CACHD1: variants seen among roughly 807,000 people sequenced by gnomAD.
The protein encoded by CACHD1 is cache domain containing 1, also known as VWFA and cache domain-containing protein 1.
Under a neutral mutation model 138.7 loss-of-function variants are expected in CACHD1, and 71 were observed. The ratio of observed to expected loss-of-function variants is 0.51; its 90% CI spans 0.42 to 0.62. The LOEUF (loss-of-function observed/expected upper bound fraction) is 0.62. Ranked by LOEUF, CACHD1 falls within the 20% of genes least tolerant of loss-of-function variation. The pLI is 0.00. For missense variants in CACHD1, 1,389 were observed against 1,625.3 expected (o/e 0.85, Z 2.50); for synonymous variants, 578 against 591.5 (o/e 0.98, Z 0.33).
chr1:64,632,816 T>C lies in CACHD1; in HGVS notation c.789+73T>C. The stretch of plus-strand genomic sequence containing the variant: ...GCCTTTTTTAAAGTACTTTATTGTT[T>C]TGTGATATACAGATCCTCCTTGACT... On this transcript the variant is annotated intron_variant, in intron 6 of 26. Coordinates refer to ENST00000651257, the MANE Select transcript of CACHD1 (RefSeq NM_020925.4). 3.3e-6 allele frequency: 5 copies of C among 1,532,396 alleles called. No individual in the cohort carries two copies. In the South Asian group the frequency reaches 4.6e-5, roughly 14 times the overall value. 94.9% of individuals were successfully genotyped at this position (1,532,396 alleles called of 1,614,324 possible).
intron 12 of CACHD1, among the ~76,000 whole-genome samples, chr1:64,657,564 G>T (rs1329118089): frequency 6.6e-6 from 1 of 152,122 alleles, no homozygotes; most frequent in Non-Finnish European, 1.5e-5. Context: ...ATAATTTGGG[G>T]AATGGAGGAA....
intron 12 of CACHD1, among the ~76,000 whole-genome samples, chr1:64,658,458 T>A (rs1384512039): frequency 6.6e-6 from 1 of 152,198 alleles, no homozygotes; most frequent in Non-Finnish European, 1.5e-5. Context: ...TTTCTTATCC[T>A]TTCGTTAGCC....
chr1:64,640,015 C>T (rs1648653354), intron 7 of CACHD1, among the ~76,000 whole-genome samples: 1 of 152,256 alleles, frequency 6.6e-6, no homozygotes, highest in Non-Finnish European at 1.5e-5. Context: ...GCCTCTGTTC[C>T]TTGCCTCTCC....
chr1:64,681,541 G>GGGTTTTTTTTTTTTTTTTT (rs1553146851), intron 25 of CACHD1, among the ~76,000 whole-genome samples: 1 of 68,132 alleles, frequency 1.5e-5, no homozygotes, highest in African/African-American at 7.3e-5. Context: ...ATTTTATTGT[G>GGGTTTTTTTTTTTTTTTTT]TTTTTTTTTT....
intron 25 of CACHD1, 116 bp downstream of exon 25, chr1:64,681,451 G>C: frequency 2.8e-6 from 2 of 723,074 alleles, no homozygotes; most frequent in South Asian, 4.9e-5. Context: ...TGACACGGTG[G>C]CTGGGTTTTT....
At chr1:64,647,205 A>G (rs1648936419) in intron 8 of CACHD1, among the ~76,000 whole-genome samples, 1 of 152,220 alleles carries the variant, frequency 6.6e-6, no homozygotes, top group African/African-American at 2.4e-5. Context: ...TAAGTAAATC[A>G]AGTTCAGTAT....
intron 2 of CACHD1, among the ~76,000 whole-genome samples, chr1:64,569,716 G>A (rs74080437): frequency 0.07 from 10,680 of 152,008 alleles, 1,278 homozygotes; most frequent in African/African-American, 0.25. Flanking sequence ...ATAGCTCTGC[G>A]ATCTATGTAT....
chr1:64,498,635 G>C (rs945440408), intron 1 of CACHD1, among the ~76,000 whole-genome samples: 1 of 152,174 alleles, frequency 6.6e-6, no homozygotes, highest in African/African-American at 2.4e-5. Context: ...TATTTGAAAT[G>C]TGAAAAAAGA....
chr1:64,669,950 C>G (rs1649761975), intron 16 of CACHD1, among the ~76,000 whole-genome samples: 1 of 152,174 alleles, frequency 6.6e-6, no homozygotes, highest in Non-Finnish European at 1.5e-5. Flanking sequence ...GGGTACTGGT[C>G]TAATCTATCT....
At chr1:64,581,084 A>T (rs1211497535) in intron 2 of CACHD1, among the ~76,000 whole-genome samples, 1 of 152,204 alleles carries the variant, frequency 6.6e-6, no homozygotes, top group Non-Finnish European at 1.5e-5. Flanking sequence ...AAGTTTTTCT[A>T]AACTTTATAG....
chr1:64,679,325 A>G (rs531361487), intron 23 of CACHD1, among the ~76,000 whole-genome samples: 6 of 152,266 alleles, frequency 3.9e-5, no homozygotes, highest in East Asian at 3.9e-4. Flanking sequence ...TGTGTAAGCA[A>G]TTCTTCTGGT....
chr1:64,615,418 G>A (rs1647676769), intron 4 of CACHD1, among the ~76,000 whole-genome samples: 1 of 152,178 alleles, frequency 6.6e-6, no homozygotes, highest in Non-Finnish European at 1.5e-5. Flanking sequence ...GGTTGTGTTG[G>A]CTCAGCTATG....
intron 2 of CACHD1, among the ~76,000 whole-genome samples, chr1:64,562,701 G>T (rs978097296): frequency 1.3e-5 from 2 of 151,894 alleles, no homozygotes; most frequent in African/African-American, 2.4e-5. Flanking sequence ...GATTACAGGA[G>T]TGAGCCACTG....
chr1:64,634,194 G>T lies in CACHD1; in HGVS notation c.940G>T (p.Ala314Ser). The T allele has an allele frequency of 6.2e-7, 1 of 1,613,788 alleles. No individual in the cohort carries two copies. Among genetic ancestry groups the T allele is most frequent in the South Asian group, 1.1e-5 (1 of 91,052 alleles). ...VKSSDSPTQH[A>S]VGFQKAFQLI... The stretch of plus-strand genomic sequence containing the variant: ...GTCTTCAGACAGTCCTACCCAGCAC[G>T]CAGTGGGATTCCAAAAGGCATTTCA... Residue 314 changes from alanine to serine, a missense_variant, in exon 7 of 27, where the codon GCA becomes TCA. Transcript: ENST00000651257.
At position 64,654,801 on chromosome 1, in the gene CACHD1, A is replaced by T; in HGVS notation, c.1780A>T (p.Met594Leu). Reference protein sequence around the residue: ...EAYNVSYAWKMVQDTSFILCI... With the variant: ...EAYNVSYAWKLVQDTSFILCI... Reference sequence around the variant, plus strand: ...CTACAATGTTAGCTATGCCTGGAAGATGGTGAGTGAGAGGAAGTTGTGTTT... The same window carrying T: ...CTACAATGTTAGCTATGCCTGGAAGTTGGTGAGTGAGAGGAAGTTGTGTTT... Residue 594 changes from methionine to leucine, a missense_variant and splice_region_variant, in exon 12 of 27, where the codon ATG (methionine) becomes TTG (leucine). By Grantham distance (15) the Met-to-Leu change is conservative. Coordinates refer to ENST00000651257, the MANE Select transcript of CACHD1 (RefSeq NM_020925.4). The T allele has an allele frequency of 6.2e-7, 1 of 1,602,902 alleles. No individual in the cohort carries two copies. The highest frequency in any genetic ancestry group is 8.5e-7 in the Non-Finnish European group (1 of 1,169,912).
rs144177105 is a variant in CACHD1 at position 64,634,234 on chromosome 1, C to T, written c.980C>T (p.Thr327Ile). Reference sequence around the variant, plus strand: ...AAGGCATTTCAGCTGATTCGAAGTACAAACAATAACACAAAGTTCCAAGCA... The same window carrying T: ...AAGGCATTTCAGCTGATTCGAAGTATAAACAATAACACAAAGTTCCAAGCA... The part of the protein sequence containing the change: ...FQKAFQLIRS[T>I]NNNTKFQANT... The change falls in exon 7 of 27, where the codon ACA (threonine) becomes ATA (isoleucine). Residue 327 changes from threonine (T) to isoleucine (I), a missense_variant. Transcript: ENST00000651257. 4.2e-5 allele frequency: 67 copies of T among 1,613,704 alleles called. No homozygotes were observed. The highest frequency in any genetic ancestry group is 4.8e-5 in the Non-Finnish European group (57 of 1,179,956).
At chr1:64,559,913 A>T (rs564076908) in intron 2 of CACHD1, among the ~76,000 whole-genome samples, 2 of 152,162 alleles carry the variant, frequency 1.3e-5, no homozygotes, top group African/African-American at 4.8e-5. Context: ...GTATCCTAGT[A>T]TGTCAATTTT....
rs566880560 is a variant in CACHD1, at chr1:64,574,398, T to C, written c.262-7758T>C. 2.0e-5 allele frequency among the ~76,000 whole-genome samples: 3 copies of C among 152,276 alleles called. No homozygotes were observed. The Middle Eastern group carries it at 0.01, about 518-fold the overall frequency. Reference sequence around the variant, plus strand: ...CAAGAGTAAGGTCATTATTAGAGTCTTAAAAGAGGATCCCAGAAAAAGTCT... The same window carrying C: ...CAAGAGTAAGGTCATTATTAGAGTCCTAAAAGAGGATCCCAGAAAAAGTCT... On this transcript the variant is annotated intron_variant, in intron 2 of 26. Transcript: ENST00000651257.
At chr1:64,588,026 T>C (rs1422251016) in intron 3 of CACHD1, among the ~76,000 whole-genome samples, 1 of 152,008 alleles carries the variant, frequency 6.6e-6, no homozygotes, top group Non-Finnish European at 1.5e-5. Flanking sequence ...TTGGTAACAG[T>C]CTGCTTTCAT....
Sources: allele counts gnomAD v4.1 joint callset (sites outside exome capture counted in the v4.1 genomes callset), GRCh38; gene constraint gnomAD v4.1.1; transcripts MANE v1.5; gene names NCBI Gene and HGNC (gene_info 2026-07-23, HGNC 2026-07-21).